The following ZNF717 variants were observed in gnomAD, a reference collection of about 807,000 sequenced individuals.
ZNF717 encodes the protein zinc finger protein 717.
In ZNF717, 9 loss-of-function variants were observed where a neutral mutation model predicts 13.8. The ratio of observed to expected loss-of-function variants is 0.65; its 90% CI spans 0.39 to 1.14. The LOEUF (loss-of-function observed/expected upper bound fraction) is 1.14, where lower values mean the gene tolerates loss of function less well. Among genes scored for constraint, ZNF717 ranks in the 50% most tolerant of loss-of-function variants. ZNF717 has a pLI of 0.01. For missense variants in ZNF717, 1,040 were observed against 1,080.7 expected, an observed-to-expected ratio of 0.96 and a Z score of 0.53; for synonymous variants, 327 against 364.1, an observed-to-expected ratio of 0.90 and a Z score of 1.16.
intron 4 of ZNF717, among the ~76,000 whole-genome samples, chr3:75,739,598 A>G (rs796140978): frequency 0.02 from 3,075 of 152,286 alleles, 45 homozygotes; most frequent in South Asian, 0.061. Flanking sequence ...TTCACAAAGA[A>G]TTATTTGGTA....
Position 75,736,954 on chromosome 3 carries a change from T to C in ZNF717, c.2669A>G (p.Gln890Arg). The change falls in exon 5 of 5, where the codon CAA becomes CGA. Residue 890 changes from glutamine to arginine, a missense_variant. Transcript: ENST00000652011. ...GTCAGATTTCTCTCCTATATGGGTTTGTTGATGCCTGCTGAGGTGTGACTT... is the reference window on the plus strand; with the variant it reads ...GTCAGATTTCTCTCCTATATGGGTTCGTTGATGCCTGCTGAGGTGTGACTT... ...CQKSHLSRHQ[Q>R]THIGEKSDVA... 3 of 1,568,694 alleles carry C rather than the reference T, an allele frequency of 1.9e-6. No individual in the cohort carries two copies. Among genetic ancestry groups the C allele is most frequent in the Middle Eastern group, 1.7e-4 (1 of 6,016 alleles).
downstream of ZNF717, among the ~76,000 whole-genome samples, chr3:75,732,502 G>C (rs1575736104): frequency 1.3e-5 from 2 of 152,306 alleles, no homozygotes; most frequent in Non-Finnish European, 2.9e-5. Context: ...CCTTTGAAAG[G>C]TAATGGCAAA....
At chr3:75,753,128 A>G (rs1427855165) in intron 2 of ZNF717, among the ~76,000 whole-genome samples, 1 of 118,758 alleles carries the variant, frequency 8.4e-6, no homozygotes, top group Non-Finnish European at 1.8e-5. Flanking sequence ...TCCGTTACAT[A>G]GGATTCCAGA....
chr3:75,739,384 G>C, intron 4 of ZNF717, 39 bp from the exon 5 acceptor site: 2 of 1,408,102 alleles, frequency 1.4e-6, no homozygotes, highest in Non-Finnish European at 1.8e-6. Context: ...CCACACATGA[G>C]CATGTCTTAC....
intron 1 of ZNF717, among the ~76,000 whole-genome samples, chr3:75,783,722 T>A (rs1458862074): frequency 6.6e-6 from 1 of 152,254 alleles, no homozygotes; most frequent in African/African-American, 2.4e-5. Context: ...TATACTGGGC[T>A]GTATTAACTA....
At chr3:75,741,912 T>A (rs2918521) in intron 2 of ZNF717, 176 bp from the exon 3 acceptor site, 287,923 of 689,278 alleles carry the variant, frequency 0.42, 59,372 homozygotes, top group South Asian at 0.61. Flanking sequence ...GCCCAAAGAT[T>A]CTTGTCAAAA....
Position 75,723,623 on chromosome 3 carries a change from A to T in ZNF717, n.545-7082T>A, listed in dbSNP as rs1377291872. ...CAGTCCATACAGAGATAGGAGCTGA[A>T]GGGACATGGTGAGAAGTGACCAGGA... On this transcript the variant is annotated intron_variant and non_coding_transcript_variant, in intron 4 of 5. Coordinates refer to the ZNF717 transcript ENST00000491507. Among the ~76,000 whole-genome samples the T allele has an allele frequency of 1.2e-4, 19 of 152,384 alleles. No homozygotes were observed. The East Asian group carries it at 3.5e-3, about 28-fold the overall frequency.
At chr3:75,740,570 ATTTT>A (rs63657763) in intron 4 of ZNF717, among the ~76,000 whole-genome samples, 5 of 125,028 alleles carry the variant, frequency 4.0e-5, no homozygotes, top group South Asian at 2.6e-4. Context: ...GTACTCAGCT[ATTTT>A]TTTTTTTTTT....
chr3:75,734,817 A>AT (rs545474632), downstream of ZNF717, among the ~76,000 whole-genome samples: 114 of 57,562 alleles, frequency 2.0e-3, 3 homozygotes, highest in African/African-American at 6.4e-3. Flanking sequence ...ATATATATAT[A>AT]TTTTTTTTTT....
At chr3:75,719,819 A>T (rs1938133775) in intron 4 of ZNF717, among the ~76,000 whole-genome samples, 1 of 151,988 alleles carries the variant, frequency 6.6e-6, no homozygotes, top group Admixed American at 6.6e-5. Context: ...TTTGCTGGGC[A>T]TGGTGGTGCA....
chr3:75,747,472 T>A (rs1274159533), intron 2 of ZNF717, among the ~76,000 whole-genome samples: 13 of 152,236 alleles, frequency 8.5e-5, no homozygotes, highest in Non-Finnish European at 1.6e-4. Flanking sequence ...TTTCACAATA[T>A]TGATTCTTCC....
At chr3:75,771,598 C>G (rs1943875316) in intron 2 of ZNF717, among the ~76,000 whole-genome samples, 1 of 152,248 alleles carries the variant, frequency 6.6e-6, no homozygotes, top group Admixed American at 6.5e-5. Flanking sequence ...GCAAGGACCC[C>G]TTTGTGATGT....
chr3:75,734,950 C>T (rs74580687), downstream of ZNF717, among the ~76,000 whole-genome samples: 5 of 151,762 alleles, frequency 3.3e-5, no homozygotes, highest in Middle Eastern at 3.4e-3. Context: ...CCAAGCCTCC[C>T]GAGTAGCTGG....
At chr3:75,705,301 G>A (rs2106822240), downstream of ZNF717, among the ~76,000 whole-genome samples, 1 of 152,418 alleles carries the variant, frequency 6.6e-6, no homozygotes, top group East Asian at 1.9e-4. Context: ...TTACAGAAGA[G>A]AAACTAAGTG....
downstream of ZNF717, among the ~76,000 whole-genome samples, chr3:75,725,170 T>A (rs76722853): frequency 6.9e-6 from 1 of 145,840 alleles, no homozygotes; most frequent in Non-Finnish European, 1.5e-5. Context: ...CTCTCTCTCA[T>A]CTGAAATATT....
intron 6 of ZNF717, among the ~76,000 whole-genome samples, chr3:75,703,524 G>A (rs1937738530): frequency 6.6e-6 from 1 of 150,390 alleles, no homozygotes; most frequent in Non-Finnish European, 1.5e-5. Context: ...GCAAGACTCT[G>A]TCTCAAAATA....
intron 2 of ZNF717, among the ~76,000 whole-genome samples, chr3:75,759,366 C>A (rs1410282918): frequency 6.6e-6 from 1 of 151,416 alleles, no homozygotes; most frequent in Non-Finnish European, 1.5e-5. Flanking sequence ...AGCTCCACCT[C>A]CCGGGTTCAC....
chr3:75,770,339 T>A (rs1943791539), intron 2 of ZNF717, among the ~76,000 whole-genome samples: 1 of 152,192 alleles, frequency 6.6e-6, no homozygotes, highest in Non-Finnish European at 1.5e-5. Flanking sequence ...GGCGGGCAGA[T>A]CACCTGAGGT....
At chr3:75,708,105 G>T (rs1240171816), downstream of ZNF717, among the ~76,000 whole-genome samples, 11 of 152,242 alleles carry the variant, frequency 7.2e-5, no homozygotes, top group Non-Finnish European at 1.5e-4. Context: ...GAGAGCAGTG[G>T]TTCTCCCAGC....
Sources: allele counts gnomAD v4.1 joint callset (sites outside exome capture counted in the v4.1 genomes callset), GRCh38; gene constraint gnomAD v4.1.1; transcripts MANE v1.5; gene names NCBI Gene and HGNC (gene_info 2026-07-23, HGNC 2026-07-21).